Variants in WDFY3 observed in about 807,000 individuals in gnomAD.
WDFY3 encodes the protein WD repeat and FYVE domain-containing protein 3.
WDFY3 carries 66 observed loss-of-function variants against 409.6 expected under a neutral mutation model. The observed-to-expected ratio is 0.16, with a 90% confidence interval of 0.13 to 0.20. The LOEUF (loss-of-function observed/expected upper bound fraction) is 0.20. WDFY3 is among the 10% of genes least tolerant of loss of function. The pLI is 1.00. For missense variants in WDFY3, 3,031 were observed against 4,298.1 expected (o/e 0.71, Z 8.24); for synonymous variants, 1,521 against 1,537.1 (o/e 0.99, Z 0.25).
chr4:84,715,667 C>T (rs904055375), intron 49 of WDFY3, among the ~76,000 whole-genome samples: 1 of 147,278 alleles, frequency 6.8e-6, no homozygotes, highest in Non-Finnish European at 1.5e-5. Context: ...CCCAGCTACT[C>T]GGGAGGCTGA....
intron 37 of WDFY3, among the ~76,000 whole-genome samples, 183 bp from the exon 38 acceptor site, chr4:84,742,104 A>G (rs540352976): frequency 1.3e-5 from 2 of 152,344 alleles, no homozygotes; most frequent in South Asian, 4.1e-4. Context: ...CAGGATAAAT[A>G]ATTTCAGCAG....
chr4:84,921,979 T>A (rs1050548855), intron 2 of WDFY3, among the ~76,000 whole-genome samples: 1 of 151,772 alleles, frequency 6.6e-6, no homozygotes, highest in Non-Finnish European at 1.5e-5. Flanking sequence ...GATTTTCAAT[T>A]TCTCAGTTCA....
intron 1 of WDFY3, among the ~76,000 whole-genome samples, chr4:84,952,577 CCTT>C (rs1773744465): frequency 6.6e-6 from 1 of 152,016 alleles, no homozygotes; most frequent in Admixed American, 6.6e-5. Context: ...TCTTACTTTC[CCTT>C]CTTCTTCCAG....
chr4:84,913,340 A>C (rs1321440627), intron 2 of WDFY3, among the ~76,000 whole-genome samples: 1 of 152,212 alleles, frequency 6.6e-6, no homozygotes, highest in Non-Finnish European at 1.5e-5. Flanking sequence ...AGCTCAAAAC[A>C]ACAAGTTCCT....
chr4:84,786,334 T>C (rs535347910), intron 23 of WDFY3, among the ~76,000 whole-genome samples, 195 bp from the exon 24 acceptor site: 1 of 152,310 alleles, frequency 6.6e-6, no homozygotes, highest in African/African-American at 2.4e-5. Context: ...AATCTAGTCA[T>C]AGAGTTCTAC....
intron 51 of WDFY3, among the ~76,000 whole-genome samples, chr4:84,712,373 T>TAAAAAAAAAAA (rs998951453): frequency 9.3e-5 from 7 of 75,048 alleles, no homozygotes; most frequent in South Asian, 4.0e-4. Flanking sequence ...AGAAAAAAAT[T>TAAAAAAAAAAA]AAAAAAAAAA....
chr4:84,705,148 C>A (rs916356012), intron 54 of WDFY3, among the ~76,000 whole-genome samples: 2 of 152,144 alleles, frequency 1.3e-5, no homozygotes, highest in African/African-American at 4.8e-5. Context: ...CTATGCAAAG[C>A]AGGAATACTT....
chr4:84,921,646 A>ATTTTTTTTT (rs747576197), intron 2 of WDFY3, among the ~76,000 whole-genome samples: 16 of 78,674 alleles, frequency 2.0e-4, no homozygotes, highest in African/African-American at 7.9e-4. Context: ...TATTGCTTTC[A>ATTTTTTTTT]TTTTTTTTTT....
At chr4:84,727,082 T>C (rs528040956) in intron 44 of WDFY3, among the ~76,000 whole-genome samples, 171 bp from the exon 45 acceptor site, 1 of 152,296 alleles carries the variant, frequency 6.6e-6, no homozygotes, top group South Asian at 2.1e-4. Context: ...TTGTGGTTAC[T>C]GTCTCACAGA....
rs1560501226 is a variant in WDFY3, at chr4:84,672,829, G to GT, written c.*38_*39insA. 1 of 1,612,534 alleles carries GT rather than the reference G, an allele frequency of 6.2e-7. No individual in the cohort carries two copies. The highest frequency in any genetic ancestry group is 1.1e-5 in the South Asian group (1 of 90,820). Reference sequence around the variant, plus strand: ...AGCTGGGACAGGAGAATCGGGAAGGGGTCTACAGACCATGGTCTCCACTCA... The same window carrying GT: ...AGCTGGGACAGGAGAATCGGGAAGGGTGTCTACAGACCATGGTCTCCACTCA... On this transcript the variant is annotated 3_prime_UTR_variant, in exon 68 of 68. Transcript: ENST00000295888.
chr4:84,670,468 C>A lies in WDFY3; in HGVS notation c.*2400G>T, dbSNP rs1052635056. The A allele has an allele frequency of 5.2e-5, 8 of 152,686 alleles. No homozygotes were observed. Among genetic ancestry groups the A allele is most frequent in the African/African-American group, 1.2e-4 (5 of 41,464 alleles). The allele number at this position is 152,686 out of a possible 1,614,324, so 9.5% of individuals were successfully genotyped here. ...AGAAAAGAAACCCGATTGAACAAAA[C>A]AGTTGCCCACAGCACCAGCTGCCAG... On this transcript the variant is annotated 3_prime_UTR_variant, in exon 68 of 68. Transcript: ENST00000295888.
At chr4:84,964,206 A>T (rs1421728365) in intron 1 of WDFY3, among the ~76,000 whole-genome samples, 1 of 152,218 alleles carries the variant, frequency 6.6e-6, no homozygotes, top group Non-Finnish European at 1.5e-5. Flanking sequence ...GGTGGCTCAC[A>T]TCTGTAATCC....
In WDFY3 at chr4:84,798,051, T is replaced by C; in HGVS notation, c.2880A>G (p.Leu960=). The C allele has an allele frequency of 1.2e-6, 2 of 1,613,716 alleles. No homozygotes were observed. The highest frequency in any genetic ancestry group is 1.1e-5 in the South Asian group (1 of 91,024). The change falls in exon 18 of 68, where the codon CTA becomes CTG. Residue 960 remains leucine, a synonymous_variant. Transcript: ENST00000295888. ...LNCGAWDKKL[L]KQYRVHKPSS... ...TTGGTTTGTGGACCCTATATTGTTTTAGCAGTTTTTTGTCCCAGGCACCAC... is the reference window on the plus strand; with the variant it reads ...TTGGTTTGTGGACCCTATATTGTTTCAGCAGTTTTTTGTCCCAGGCACCAC...
chr4:84,851,147 T>C (rs1758954160), intron 4 of WDFY3, among the ~76,000 whole-genome samples: 1 of 151,434 alleles, frequency 6.6e-6, no homozygotes, highest in Admixed American at 6.6e-5. Context: ...TTTGAGAAAA[T>C]GAAACCTGGA....
rs1760280836 is a variant in WDFY3 at position 84,859,628 on chromosome 4, T to C, written c.180+784A>G. Among the ~76,000 whole-genome samples the C allele has an allele frequency of 2.6e-5, 4 of 152,156 alleles. No homozygotes were observed. In the South Asian group the frequency reaches 8.3e-4, roughly 32 times the overall value. ...TTCACTCTTGTCGCCCAGGCTGGAG[T>C]GCAATGGCGTGATCTCAGTTCACTG... On this transcript the variant is annotated intron_variant, in intron 4 of 67. Transcript: ENST00000295888.
At chr4:84,689,162 T>C (rs2148836705) in intron 61 of WDFY3, among the ~76,000 whole-genome samples, 1 of 152,342 alleles carries the variant, frequency 6.6e-6, no homozygotes, top group South Asian at 2.1e-4. Flanking sequence ...GGAGAGATTT[T>C]GCTATCATGT....
chr4:84,882,924 T>C (rs533828588), intron 3 of WDFY3, among the ~76,000 whole-genome samples: 1 of 152,224 alleles, frequency 6.6e-6, no homozygotes, highest in South Asian at 2.1e-4. Context: ...CCCAGGTTGG[T>C]GTCAAACTCT....
At chr4:84,792,823 T>C (rs1446377903) in intron 21 of WDFY3, among the ~76,000 whole-genome samples, 2 of 152,258 alleles carry the variant, frequency 1.3e-5, no homozygotes, top group African/African-American at 4.8e-5. Flanking sequence ...TCGTTGTTTC[T>C]TCCTCAGACC....
chr4:84,954,598 CTT>C (rs1774011284), intron 1 of WDFY3, among the ~76,000 whole-genome samples: 1 of 152,086 alleles, frequency 6.6e-6, no homozygotes, highest in South Asian at 2.1e-4. Flanking sequence ...AGTAAACAGT[CTT>C]AGAGTTCCTC....
Sources: allele counts gnomAD v4.1 joint callset (sites outside exome capture counted in the v4.1 genomes callset), GRCh38; gene constraint gnomAD v4.1.1; transcripts MANE v1.5; gene names NCBI Gene and HGNC (gene_info 2026-07-23, HGNC 2026-07-21).